WBP1L: variants seen among roughly 807,000 people sequenced by gnomAD.
WBP1L encodes the protein WW domain binding protein 1-like.
A neutral mutation model predicts 33.7 loss-of-function variants in WBP1L; 17 were observed. The observed-to-expected ratio is 0.50, with a 90% CI of 0.34 to 0.76. WBP1L has a LOEUF of 0.76. Ranked by LOEUF, WBP1L falls within the 30% of genes least tolerant of loss-of-function variation. The probability of loss-of-function intolerance (pLI) is 0.01; values close to 1 mark genes in which losing one functional copy is unlikely to be tolerated. For synonymous variants in WBP1L, 173 were observed against 190.8 expected, an observed-to-expected ratio of 0.91 and a Z score of 0.77; for missense variants, 389 against 469.4, an observed-to-expected ratio of 0.83 and a Z score of 1.58.
At chr10:102,790,034 G>A (rs144814088) in intron 1 of WBP1L, among the ~76,000 whole-genome samples, 172 of 152,038 alleles carry the variant, frequency 1.1e-3, no homozygotes, top group African/African-American at 3.7e-3. Context: ...CACCACGCCC[G>A]GCCGAAATTT....
At chr10:102,801,184 G>C (rs1224525425) in intron 2 of WBP1L, among the ~76,000 whole-genome samples, 1 of 152,150 alleles carries the variant, frequency 6.6e-6, no homozygotes. Flanking sequence ...CATGTGTTGA[G>C]AACGGCAGAT....
intron 2 of WBP1L, chr10:102,803,816 G>A (rs1187299281): frequency 6.6e-6 from 1 of 152,022 alleles, no homozygotes; most frequent in Non-Finnish European, 1.5e-5. Context: ...CACTGTGTTA[G>A]CTAGGATGGT....
At chr10:102,777,011 G>A (rs1168029581) in intron 1 of WBP1L, among the ~76,000 whole-genome samples, 1 of 152,126 alleles carries the variant, frequency 6.6e-6, no homozygotes, top group Non-Finnish European at 1.5e-5. Flanking sequence ...GACCCCTGTG[G>A]CAGAGACTTG....
chr10:102,750,134 G>T (rs143177928), intron 1 of WBP1L, among the ~76,000 whole-genome samples: 6 of 151,848 alleles, frequency 4.0e-5, no homozygotes, highest in African/African-American at 1.2e-4. Flanking sequence ...CAGGTCAGGC[G>T]CAGTGGTTCA....
chr10:102,778,967 A>G (rs1419975392), intron 1 of WBP1L, among the ~76,000 whole-genome samples: 4 of 152,180 alleles, frequency 2.6e-5, no homozygotes, highest in African/African-American at 9.6e-5. Flanking sequence ...CCATTTGCCC[A>G]GCATTGCTCA....
rs75731980 is a variant in WBP1L, at chr10:102,788,270, C to T, written c.91-9723C>T. Among the ~76,000 whole-genome samples, 1,452 of 151,124 alleles carry T rather than the reference C, an allele frequency of 9.6e-3. 53 individuals carry two copies. Among genetic ancestry groups the T allele is most frequent in the East Asian group, 0.063 (313 of 4,994 alleles). On this transcript the variant is annotated intron_variant, in intron 1 of 3. Coordinates refer to ENST00000448841, the MANE Select transcript of WBP1L (RefSeq NM_001083913.2). ...CAGCCTCCCGAGTAGCTACCACGCC[C>T]GGCTAATTTTTTGCATTTTTTAGTA...
At chr10:102,763,371 T>G (rs1843068178) in intron 1 of WBP1L, among the ~76,000 whole-genome samples, 1 of 152,140 alleles carries the variant, frequency 6.6e-6, no homozygotes, top group Non-Finnish European at 1.5e-5. Context: ...ACCGTAAGCT[T>G]ATACATTGTG....
At chr10:102,794,911 G>A (rs763765629) in intron 1 of WBP1L, among the ~76,000 whole-genome samples, 1 of 152,080 alleles carries the variant, frequency 6.6e-6, no homozygotes, top group African/African-American at 2.4e-5. Flanking sequence ...TTCCTTGCTA[G>A]AGGTACACCT....
At chr10:102,747,326 C>T (rs980380567) in intron 1 of WBP1L, among the ~76,000 whole-genome samples, 18 of 138,706 alleles carry the variant, frequency 1.3e-4, no homozygotes, top group Admixed American at 2.3e-4. Context: ...TGCCACTGCA[C>T]TCTAGCCTGG....
intron 2 of WBP1L, among the ~76,000 whole-genome samples, chr10:102,801,704 C>T (rs191260130): frequency 6.6e-6 from 1 of 152,202 alleles, no homozygotes; most frequent in East Asian, 1.9e-4. Flanking sequence ...CATCAGTTTC[C>T]CCTGGTTTGG....
chr10:102,759,414 A>G (rs556408803), intron 1 of WBP1L, among the ~76,000 whole-genome samples: 142 of 152,342 alleles, frequency 9.3e-4, no homozygotes, highest in African/African-American at 3.2e-3. Flanking sequence ...ATAATTGTCC[A>G]TGATCATCTC....
intron 2 of WBP1L, chr10:102,804,169 A>T (rs1402361706): frequency 6.6e-6 from 1 of 152,184 alleles, no homozygotes; most frequent in Non-Finnish European, 1.5e-5. Context: ...TGGGTGGATC[A>T]CTTGAGGTCA....
At chr10:102,779,146 G>C (rs1843303316) in intron 1 of WBP1L, among the ~76,000 whole-genome samples, 1 of 151,810 alleles carries the variant, frequency 6.6e-6, no homozygotes, top group Non-Finnish European at 1.5e-5. Flanking sequence ...AGCCTGCCTA[G>C]GTAGGAGATA....
intron 1 of WBP1L, among the ~76,000 whole-genome samples, chr10:102,759,760 G>A (rs752462309): frequency 1.3e-5 from 2 of 152,114 alleles, no homozygotes; most frequent in African/African-American, 4.8e-5. Flanking sequence ...CAACTCCCAG[G>A]CTCAAGCGAA....
chr10:102,806,828 G>A (rs1331430418), intron 2 of WBP1L, among the ~76,000 whole-genome samples: 1 of 152,178 alleles, frequency 6.6e-6, no homozygotes, highest in Non-Finnish European at 1.5e-5. Flanking sequence ...GCTTTGTGAG[G>A]AGATTCAATG....
At chr10:102,798,231 C>A in intron 2 of WBP1L, 136 bp downstream of exon 2, 1 of 676,032 alleles carries the variant, frequency 1.5e-6, no homozygotes. Flanking sequence ...TTTATGGGTT[C>A]CAGAAGTGCT....
chr10:102,781,368 C>T (rs1843333696), intron 1 of WBP1L, among the ~76,000 whole-genome samples: 1 of 152,138 alleles, frequency 6.6e-6, no homozygotes, highest in Non-Finnish European at 1.5e-5. Context: ...ACAGCGGCCA[C>T]CCATGAGGGA....
At chr10:102,805,744 CA>C (rs1420658266) in intron 2 of WBP1L, among the ~76,000 whole-genome samples, 2 of 149,188 alleles carry the variant, frequency 1.3e-5, no homozygotes, top group African/African-American at 5.0e-5. Flanking sequence ...ACAACAACAA[CA>C]AAATTAGTGG....
intron 1 of WBP1L, among the ~76,000 whole-genome samples, chr10:102,746,308 A>G (rs1220840605): frequency 6.6e-6 from 1 of 152,148 alleles, no homozygotes; most frequent in Admixed American, 6.6e-5. Context: ...ACTTTGTTCC[A>G]TTTGGATGAA....
Sources: gnomAD v4.1 joint callset for allele counts (sites outside exome capture counted in the v4.1 genomes callset) on GRCh38, gnomAD v4.1.1 for gene constraint, MANE v1.5 for transcripts, NCBI Gene and HGNC (gene_info 2026-07-23, HGNC 2026-07-21) for gene names.